The following SLC39A7 variants were observed in gnomAD, a reference collection of about 807,000 sequenced individuals.
SLC39A7 encodes the protein zinc transporter SLC39A7.
Under a neutral mutation model 39.7 loss-of-function variants are expected in SLC39A7, and 25 were observed. That is an observed-to-expected ratio of 0.63 (90% CI 0.46 to 0.88). The LOEUF (loss-of-function observed/expected upper bound fraction) is 0.88. Ranked by LOEUF, SLC39A7 falls within the 40% of genes least tolerant of loss-of-function variation. The probability of loss-of-function intolerance (pLI) is 0.00; values close to 1 mark genes in which losing one functional copy is unlikely to be tolerated. For synonymous variants in SLC39A7, 181 were observed against 234.1 expected (o/e 0.77, Z 2.07); for missense variants, 501 against 592.1 (o/e 0.85, Z 1.60).
rs1293560869 is a variant in SLC39A7 at position 33,202,268 on chromosome 6, G to A, written c.640G>A (p.Gly214Ser). 1 of 1,612,826 alleles carries A rather than the reference G, an allele frequency of 6.2e-7. No homozygotes were observed. The highest frequency in any genetic ancestry group is 8.5e-7 in the Non-Finnish European group (1 of 1,179,898). ...PGHGHSHSGQ[G>S]PILSVGLWVL... ...CTCAATGCCTCCATTCCCAGGCCAG[G>A]GCCCCATTCTGTCTGTGGGACTGTG... Residue 214 changes from glycine (G) to serine (S), a missense_variant, in exon 4 of 7, where the codon GGC becomes AGC. Transcript: ENST00000374677.
rs1005322811 is a variant in SLC39A7 at position 33,201,152 on chromosome 6, G to T, written c.-94G>T. 4.1e-6 allele frequency: 5 copies of T among 1,232,992 alleles called. 1 individual carries two copies. The African/African-American group carries it at 7.5e-5, about 19-fold the overall frequency. 76.4% of individuals were successfully genotyped at this position (1,232,992 alleles called of 1,614,324 possible). On this transcript the variant is annotated 5_prime_UTR_variant, in exon 1 of 7. Coordinates refer to ENST00000374677, the MANE Select transcript of SLC39A7 (RefSeq NM_006979.3). The surrounding 1 kb of genome is among the most constrained non-coding windows in gnomAD (Gnocchi z 5.9). ...GGGAATGGGAGAGCGGCCCATAGAG[G>T]TGGACGGAGGGCGCGATTGGAGTAA...
In SLC39A7 at chr6:33,203,338, AATCAGAAAGTCTGTGGAAAGGACCTCTG is replaced by A. The variant is rs545253796; in HGVS notation, c.1138-199_1138-172del. ...GAGTCTTACACACACACGCCTACTC[AATCAGAAAGTCTGTGGAAAGGACCTCTG>A]ATCTCTTAAGATTTTTCAGAAATTG... is the stretch of plus-strand genomic sequence containing the variant. On this transcript the variant is annotated intron_variant, in intron 6 of 6. Transcript: ENST00000374677. 2.8e-4 allele frequency among the ~76,000 whole-genome samples: 43 copies of A among 152,344 alleles called. 1 individual carries two copies. The East Asian group carries it at 8.3e-3, about 29-fold the overall frequency.
rs781384988 is a variant in SLC39A7 at position 33,202,711 on chromosome 6, G to C, written c.940+11G>C. ...AAAAAAGAGGCTTAGGTAAGGGCCA[G>C]AGTTGGTGATAAATTTGGGCAAGGG... On this transcript the variant is annotated intron_variant, in intron 5 of 6. Coordinates refer to ENST00000374677, the MANE Select transcript of SLC39A7 (RefSeq NM_006979.3). The C allele has an allele frequency of 4.5e-5, 71 of 1,581,274 alleles. No individual in the cohort carries two copies. Among genetic ancestry groups the C allele is most frequent in the African/African-American group, 6.9e-5 (5 of 72,688 alleles).
intron 6 of SLC39A7, 89 bp from the exon 7 acceptor site, chr6:33,203,452 C>G: frequency 7.5e-7 from 1 of 1,333,514 alleles, no homozygotes; most frequent in Non-Finnish European, 1.1e-6. Flanking sequence ...AAATCCATGT[C>G]CCCTATACCT....
rs753388445 is a variant in SLC39A7, at chr6:33,202,676, G to A, written c.916G>A (p.Ala306Thr). 4 of 1,599,172 alleles carry A rather than the reference G, an allele frequency of 2.5e-6. No individual in the cohort carries two copies. The highest frequency in any genetic ancestry group is 1.8e-5 in the Admixed American group (1 of 55,418). The change falls in exon 5 of 7, where the codon GCT becomes ACT. Residue 306 changes from alanine (A) to threonine (T), a missense_variant. Physicochemically the swap from Ala to Thr is moderately conservative, Grantham distance 58. Transcript: ENST00000374677. ...PKDGPVRPQNAEEEKRGLDLR... is the reference protein window; with the variant it reads ...PKDGPVRPQNTEEEKRGLDLR... ...AGATGGGCCAGTGAGACCTCAGAAC[G>A]CTGAAGAAGAAAAAAGAGGCTTAGG...
rs927259802 is a variant in SLC39A7, at chr6:33,203,879, T to A, written c.*66T>A. 1 of 1,538,452 alleles carries A rather than the reference T, an allele frequency of 6.5e-7. No homozygotes were observed. Among genetic ancestry groups the A allele is most frequent in the African/African-American group, 1.4e-5 (1 of 73,308 alleles). On this transcript the variant is annotated 3_prime_UTR_variant, in exon 7 of 7. Transcript: ENST00000374677. ...ACTCCAGGTCAGGGGTGCGTAGAGG[T>A]TGGGGGCCCTGGCCAGGGACATCTG...
chr6:33,203,595 G>C lies in SLC39A7; in HGVS notation c.1192G>C (p.Ala398Pro). Residue 398 changes from alanine to proline, a missense_variant, in exon 7 of 7, where the codon GCC (alanine) becomes CCC (proline). Ala to Pro is a conservative substitution (Grantham distance 27). Transcript: ENST00000374677. ...AGGGGCACTGGCAGGCACAGCCTGTGCCCTTCTCACTGAAGGAGGAGCAGT... is the reference window on the plus strand; with the variant it reads ...AGGGGCACTGGCAGGCACAGCCTGTCCCCTTCTCACTGAAGGAGGAGCAGT... ...AVGALAGTAC[A>P]LLTEGGAVGS... The C allele has an allele frequency of 6.2e-7, 1 of 1,614,242 alleles. No homozygotes were observed. The highest frequency in any genetic ancestry group is 8.5e-7 in the Non-Finnish European group (1 of 1,180,036).
In SLC39A7 at chr6:33,201,957, T is replaced by C; in HGVS notation, c.580+44T>C. 6.2e-7 allele frequency: 1 copy of C among 1,606,610 alleles called. No individual in the cohort carries two copies. Among genetic ancestry groups the C allele is most frequent in the Non-Finnish European group, 8.5e-7 (1 of 1,174,296 alleles). On this transcript the variant is annotated intron_variant, in intron 2 of 6. Transcript: ENST00000374677. The surrounding 1 kb of genome is among the most constrained non-coding windows in gnomAD (Gnocchi z 5.9). ...CTACCTCAAATCTAACCTATTTCGTTCTTTGGAGGAAAAGGGTTCTTTCTC... is the reference window on the plus strand; with the variant it reads ...CTACCTCAAATCTAACCTATTTCGTCCTTTGGAGGAAAAGGGTTCTTTCTC...
Position 33,201,520 on chromosome 6 carries a change from A to G in SLC39A7, c.275A>G (p.His92Arg), listed in dbSNP as rs1583431659. 1 of 1,614,186 alleles carries G rather than the reference A, an allele frequency of 6.2e-7. No homozygotes were observed. Among genetic ancestry groups the G allele is most frequent in the Non-Finnish European group, 8.5e-7 (1 of 1,180,014 alleles). ...TCACATGAGGATTTACACCATGGCCATAGCCATGGCTACTCCCATGAGAGC... is the reference window on the plus strand; with the variant it reads ...TCACATGAGGATTTACACCATGGCCGTAGCCATGGCTACTCCCATGAGAGC... ...GHSHEDLHHG[H>R]SHGYSHESLY... The change falls in exon 1 of 7, where the codon CAT becomes CGT. Residue 92 changes from histidine to arginine, a missense_variant. His to Arg is a conservative substitution (Grantham distance 29, BLOSUM62 0). Transcript: ENST00000374677. This position sits in a 1 kb window ranked among gnomAD's most constrained non-coding sequence, Gnocchi z 5.9.
chr6:33,202,025 T>C (rs776326570), intron 2 of SLC39A7, 47 bp from the exon 3 acceptor site: 1 of 1,603,214 alleles, frequency 6.2e-7, no homozygotes, highest in South Asian at 1.1e-5. Context: ...AAATACACAC[T>C]CATTGTGTCA....
chr6:33,203,813 AG>A lies in SLC39A7; in HGVS notation c.*4del, dbSNP rs1436950703. 1 of 1,613,712 alleles carries A rather than the reference AG, an allele frequency of 6.2e-7. No individual in the cohort carries two copies. The highest frequency in any genetic ancestry group is 2.2e-5 in the East Asian group (1 of 44,880). On this transcript the variant is annotated 3_prime_UTR_variant, in exon 7 of 7. Transcript: ENST00000374677. Reference sequence around the variant, plus strand: ...TGGTGCTGATTGCCCACCTTGAGTGAGGGGTGGATAAACTACCCCTGCCCCA... The same window carrying A: ...TGGTGCTGATTGCCCACCTTGAGTGAGGGTGGATAAACTACCCCTGCCCCA...
rs762061076 is a variant in SLC39A7, at chr6:33,202,466, T to C, written c.799+39T>C. 5 of 1,607,772 alleles carry C rather than the reference T, an allele frequency of 3.1e-6. No individual in the cohort carries two copies. In the African/African-American group the frequency reaches 6.7e-5, roughly 21 times the overall value. ...CAACTTTCCTGAAAGCTGACTTGCC[T>C]GCCTCAGAATCTCCTCATCTTATGG... On this transcript the variant is annotated intron_variant, in intron 4 of 6. Transcript: ENST00000374677.
intron 6 of SLC39A7, 128 bp from the exon 7 acceptor site, chr6:33,203,413 T>G (rs1243612749): frequency 1.1e-5 from 11 of 985,118 alleles, no homozygotes; most frequent in Non-Finnish European, 1.6e-5. Context: ...CTGCTCCCTC[T>G]TCTCTTTTTA....
chr6:33,202,175 G>C (rs368697003), intron 3 of SLC39A7, 50 bp downstream of exon 3: 2 of 1,603,932 alleles, frequency 1.2e-6, no homozygotes, highest in East Asian at 4.5e-5. Context: ...GGGAAGGTCC[G>C]TCTCTCCCTA....
Position 33,202,136 on chromosome 6 carries a change from G to C in SLC39A7, c.634+11G>C. On this transcript the variant is annotated intron_variant, in intron 3 of 6. Transcript: ENST00000374677. Reference sequence around the variant, plus strand: ...GACACTCCCACAGTGGTGAGGAAGAGACAGATGGGGATGGGAGTTGGGGTG... The same window carrying C: ...GACACTCCCACAGTGGTGAGGAAGACACAGATGGGGATGGGAGTTGGGGTG... The C allele has an allele frequency of 1.2e-6, 2 of 1,612,714 alleles. No individual in the cohort carries two copies. The highest frequency in any genetic ancestry group is 1.7e-6 in the Non-Finnish European group (2 of 1,179,796).
chr6:33,202,020 C>T (rs527500934), intron 2 of SLC39A7, 52 bp from the exon 3 acceptor site: 10 of 1,600,140 alleles, frequency 6.2e-6, no homozygotes, highest in Non-Finnish European at 8.6e-6. Context: ...CCCCCAAATA[C>T]ACACTCATTG....
Position 33,201,220 on chromosome 6 carries a change from C to A in SLC39A7, c.-26C>A. The A allele has an allele frequency of 6.3e-7, 1 of 1,587,776 alleles. No homozygotes were observed. The highest frequency in any genetic ancestry group is 2.2e-5 in the East Asian group (1 of 44,702). ...TATAGAGTTGAGTCAAGTGGAGTCA[C>A]TGCCTCTGTCCCTCTGGTCAGCGTG... On this transcript the variant is annotated 5_prime_UTR_variant, in exon 1 of 7. It adds an upstream start codon to the 5' untranslated region. Transcript: ENST00000374677. The surrounding 1 kb of genome is among the most constrained non-coding windows in gnomAD (Gnocchi z 5.9).
At chr6:33,203,204 A>G (rs1774747556) in intron 6 of SLC39A7, 98 bp downstream of exon 6, 1 of 1,036,222 alleles carries the variant, frequency 9.7e-7, no homozygotes, top group Non-Finnish European at 1.4e-6. Context: ...AACAATTCAT[A>G]CTGTCATTGA....
At chr6:33,202,228 C>T in intron 3 of SLC39A7, 35 bp from the exon 4 acceptor site, 1 of 1,601,798 alleles carries the variant, frequency 6.2e-7, no homozygotes, top group Non-Finnish European at 8.5e-7. Context: ...CTGGAATGCA[C>T]ATCTCCCTTA....
Sources: gnomAD v4.1 joint callset for allele counts (sites outside exome capture counted in the v4.1 genomes callset) on GRCh38, gnomAD v4.1.1 for gene constraint, Gnocchi (gnomAD v3.1) non-coding constraint, MANE v1.5 for transcripts, NCBI Gene and HGNC (gene_info 2026-07-23, HGNC 2026-07-21) for gene names.